Variants in UNC80 observed in about 807,000 individuals in gnomAD.
UNC80 encodes the protein unc-80 subunit of NALCN channel complex.
A neutral mutation model predicts 384.6 loss-of-function variants in UNC80; 164 were observed. The ratio of observed to expected loss-of-function variants is 0.43; its 90% CI spans 0.38 to 0.49. The LOEUF (loss-of-function observed/expected upper bound fraction) is 0.49, where lower values mean the gene tolerates loss of function less well. UNC80 is among the 20% of genes least tolerant of loss of function. UNC80 has a pLI of 0.00. For missense variants in UNC80, 3,330 were observed against 4,143.0 expected, an observed-to-expected ratio of 0.80 and a Z score of 5.39; for synonymous variants, 1,486 against 1,527.8, an observed-to-expected ratio of 0.97 and a Z score of 0.64.
intron 47 of UNC80, among the ~76,000 whole-genome samples, chr2:209,952,908 C>T (rs900382639): frequency 6.6e-6 from 1 of 152,170 alleles, no homozygotes; most frequent in African/African-American, 2.4e-5. Flanking sequence ...CTGATAATTG[C>T]CATTTCCTGC....
chr2:209,774,547 G>T (rs2076760734), intron 2 of UNC80, among the ~76,000 whole-genome samples: 1 of 152,108 alleles, frequency 6.6e-6, no homozygotes, highest in African/African-American at 2.4e-5. Flanking sequence ...AGTTGTATTA[G>T]TGACACTTAA....
intron 29 of UNC80, among the ~76,000 whole-genome samples, chr2:209,910,649 CT>C (rs540625562): frequency 0.013 from 1,333 of 104,340 alleles, 13 homozygotes; most frequent in African/African-American, 0.042. Context: ...AAATGCTCAT[CT>C]TTTTTTTTTT....
At chr2:209,905,961 G>A (rs763217430) in intron 29 of UNC80, among the ~76,000 whole-genome samples, 3 of 152,124 alleles carry the variant, frequency 2.0e-5, no homozygotes, top group Non-Finnish European at 4.4e-5. Flanking sequence ...CCCTGCAGCT[G>A]CTTTTCCTAA....
At chr2:209,806,123 TATC>T (rs1188418915) in intron 7 of UNC80, among the ~76,000 whole-genome samples, 3 of 152,206 alleles carry the variant, frequency 2.0e-5, no homozygotes, top group Admixed American at 1.3e-4. Context: ...CTTTTAAACA[TATC>T]ATAAAAACCA....
chr2:209,989,329 A>C (rs2093350820), intron 61 of UNC80, among the ~76,000 whole-genome samples: 2 of 152,022 alleles, frequency 1.3e-5, no homozygotes, highest in Admixed American at 1.3e-4. Flanking sequence ...TGTCTCAAAA[A>C]AAAAAAAAAA....
intron 47 of UNC80, among the ~76,000 whole-genome samples, chr2:209,950,848 G>A (rs74822468): frequency 2.0e-5 from 3 of 150,696 alleles, no homozygotes; most frequent in Non-Finnish European, 3.0e-5. Context: ...ATGAGCCACC[G>A]CACCCAGCTG....
At position 209,930,998 on chromosome 2, in the gene UNC80, C is replaced by T; in HGVS notation, c.5938C>T (p.Leu1980Phe). 6.4e-7 allele frequency: 1 copy of T among 1,550,538 alleles called. No individual in the cohort carries two copies. Among genetic ancestry groups the T allele is most frequent in the African/African-American group, 1.4e-5 (1 of 73,138 alleles). Reference sequence around the variant, plus strand: ...GTTAATGTACATGCTGCGCAAACTTCTCTTGAATATTGGAGACTTTCCTGC... The same window carrying T: ...GTTAATGTACATGCTGCGCAAACTTTTCTTGAATATTGGAGACTTTCCTGC... ...DELMYMLRKL[L>F]LNIGDFPAQT... Residue 1980 changes from leucine (L) to phenylalanine (F), a missense_variant, in exon 38 of 65, where the codon CTC (leucine) becomes TTC (phenylalanine). This residue lies in a region of UNC80 where 1,049 missense variants were observed against 1,488.6 expected (regional missense o/e 0.70). Coordinates refer to ENST00000673920, the MANE Select transcript of UNC80 (RefSeq NM_001371986.1).
Position 209,997,868 on chromosome 2 carries a change from T to A in UNC80, c.*2273T>A, listed in dbSNP as rs1048362920. 1 of 152,106 alleles carries A rather than the reference T, an allele frequency of 6.6e-6. No homozygotes were observed. The highest frequency in any genetic ancestry group is 2.4e-5 in the African/African-American group (1 of 41,420). The allele number at this position is 152,106 out of a possible 1,614,324, so 9.4% of individuals were successfully genotyped here. On this transcript the variant is annotated 3_prime_UTR_variant, in exon 65 of 65. Coordinates refer to ENST00000673920, the MANE Select transcript of UNC80 (RefSeq NM_001371986.1). The stretch of plus-strand genomic sequence containing the variant: ...GAATGTTTATGTGTAATGGCTAAAG[T>A]ATCTATATGTATGTGCATAAAACTG...
At position 209,917,874 on chromosome 2, in the gene UNC80, C is replaced by T. The variant is rs61744394; in HGVS notation, c.5127C>T (p.Asn1709=). 2.7e-4 allele frequency: 417 copies of T among 1,551,932 alleles called. No individual in the cohort carries two copies. In the African/African-American group the frequency reaches 3.9e-3, roughly 15 times the overall value. ...ACCCGGAGACTGTGCAGAGGCTGAA[C>T]GCTGTCCTCAAGTTCCACACGCTCT... ...FHHPETVQRL[N]AVLKFHTLWR... is the part of the protein sequence containing the mutation. Residue 1709 remains asparagine (N), a synonymous_variant, in exon 32 of 65, where the codon AAC becomes AAT. Coordinates refer to ENST00000673920, the MANE Select transcript of UNC80 (RefSeq NM_001371986.1).
At chr2:209,885,253 A>G (rs2085678168) in intron 25 of UNC80, among the ~76,000 whole-genome samples, 1 of 152,138 alleles carries the variant, frequency 6.6e-6, no homozygotes, top group Non-Finnish European at 1.5e-5. Flanking sequence ...AGAAATAACT[A>G]TACTGTAACA....
chr2:209,820,283 C>A, intron 12 of UNC80, 28 bp from the exon 13 acceptor site: 1 of 1,495,268 alleles, frequency 6.7e-7, no homozygotes, highest in South Asian at 1.4e-5. Context: ...GTAACTTAAT[C>A]ATGCTGTGTT....
intron 45 of UNC80, among the ~76,000 whole-genome samples, chr2:209,944,702 T>C (rs2091826539): frequency 6.6e-6 from 1 of 152,192 alleles, no homozygotes. Flanking sequence ...TCCGCAAACA[T>C]ATTTGTAGTA....
At chr2:209,776,151 A>G (rs557316253) in intron 3 of UNC80, 106 bp downstream of exon 3, 39 of 1,363,036 alleles carry the variant, frequency 2.9e-5, no homozygotes, top group Non-Finnish European at 3.3e-5. Context: ...AGCACTGTGC[A>G]TATATTATCT....
chr2:209,787,004 TATATATATATATATAC>T (rs1287288620), intron 5 of UNC80, among the ~76,000 whole-genome samples: 7 of 138,412 alleles, frequency 5.1e-5, no homozygotes, highest in Non-Finnish European at 9.2e-5. Context: ...TATATATATA[TATATATATATATATAC>T]CTATATATTT....
At position 209,819,220 on chromosome 2, in the gene UNC80, A is replaced by G; in HGVS notation, c.1921A>G (p.Thr641Ala). Residue 641 changes from threonine (T) to alanine (A), a missense_variant, in exon 12 of 65, where the codon ACC (threonine) becomes GCC (alanine). Thr to Ala is a moderately conservative substitution (Grantham distance 58). This residue lies in a region of UNC80 where 937 missense variants were observed against 1,026.8 expected (regional missense o/e 0.91). Transcript: ENST00000673920. The stretch of plus-strand genomic sequence containing the variant: ...AGAGGACACAGAACATATTGACGGG[A>G]CCAATAACTTTGTCCACAAGAATGG... ...YLEDTEHIDGTNNFVHKNGML... is the reference protein window; with the variant it reads ...YLEDTEHIDGANNFVHKNGML... 1.9e-6 allele frequency: 3 copies of G among 1,551,596 alleles called. No individual in the cohort carries two copies. Among genetic ancestry groups the G allele is most frequent in the South Asian group, 1.2e-5 (1 of 83,962 alleles).
At chr2:209,931,745 A>G (rs553677212) in intron 38 of UNC80, among the ~76,000 whole-genome samples, 2 of 152,292 alleles carry the variant, frequency 1.3e-5, no homozygotes, top group Admixed American at 6.5e-5. Context: ...TGCAGAGAAC[A>G]TTTGTAATTC....
intron 34 of UNC80, 63 bp downstream of exon 34, chr2:209,921,749 T>C: frequency 6.9e-7 from 1 of 1,457,298 alleles, no homozygotes; most frequent in African/African-American, 1.4e-5. Flanking sequence ...TGCTCTGAAA[T>C]TAACATTGAC....
intron 29 of UNC80, among the ~76,000 whole-genome samples, chr2:209,910,071 T>G (rs1202920866): frequency 6.7e-6 from 1 of 149,812 alleles, no homozygotes; most frequent in South Asian, 2.3e-4. Context: ...AAATTACACA[T>G]CAAGCAGGGA....
intron 21 of UNC80, 115 bp from the exon 22 acceptor site, chr2:209,849,336 G>A (rs2082364066): frequency 1.7e-6 from 2 of 1,208,714 alleles, no homozygotes; most frequent in Non-Finnish European, 2.3e-6. Context: ...GAAGGAGAAA[G>A]TTTTCTGGCC....
Sources: gnomAD v4.1 joint callset for allele counts (sites outside exome capture counted in the v4.1 genomes callset) on GRCh38, gnomAD v4.1.1 for gene constraint, gnomAD v4.1.1 regional missense constraint, MANE v1.5 for transcripts, NCBI Gene and HGNC (gene_info 2026-07-23, HGNC 2026-07-21) for gene names.